The following FER variants were observed in gnomAD, a reference collection of about 807,000 sequenced individuals.
FER encodes FER tyrosine kinase.
FER carries 63 observed loss-of-function variants against 111.0 expected under a neutral mutation model. That is an observed-to-expected ratio of 0.57 (90% CI 0.46 to 0.70). The LOEUF (loss-of-function observed/expected upper bound fraction) is 0.70, where lower values mean the gene tolerates loss of function less well. Among genes scored for constraint, FER ranks in the 30% least tolerant of loss-of-function variants. The pLI, the probability that FER is intolerant of heterozygous loss-of-function variation, is 0.00. For synonymous variants in FER, 327 were observed against 313.9 expected (o/e 1.04, Z -0.44); for missense variants, 914 against 954.0 (o/e 0.96, Z 0.55).
chr5:108,946,678 A>G (rs1033980146), intron 11 of FER, among the ~76,000 whole-genome samples: 1 of 152,022 alleles, frequency 6.6e-6, no homozygotes, highest in South Asian at 2.1e-4. Context: ...TGTTTGATAG[A>G]TTAATCATTG....
chr5:108,777,011 C>G (rs980165171), intron 2 of FER, among the ~76,000 whole-genome samples: 1 of 152,140 alleles, frequency 6.6e-6, no homozygotes, highest in Non-Finnish European at 1.5e-5. Context: ...TTAAAAATCT[C>G]ATTTTTTTAA....
intron 13 of FER, among the ~76,000 whole-genome samples, chr5:109,026,506 T>C (rs1299401026): frequency 6.6e-6 from 1 of 152,126 alleles, no homozygotes; most frequent in Non-Finnish European, 1.5e-5. Flanking sequence ...TCTTGGATTA[T>C]AAAAAGGTTC....
intron 5 of FER, among the ~76,000 whole-genome samples, chr5:108,849,498 T>C (rs1762348093): frequency 1.3e-5 from 2 of 152,084 alleles, no homozygotes; most frequent in Non-Finnish European, 2.9e-5. Flanking sequence ...GTTGTTGTTG[T>C]TGTTATCTCA....
At chr5:108,877,769 A>C (rs1288070386) in intron 8 of FER, among the ~76,000 whole-genome samples, 11 of 152,148 alleles carry the variant, frequency 7.2e-5, no homozygotes, top group Admixed American at 7.2e-4. Context: ...GTCAAGTCAT[A>C]ATTTTTTTTG....
intron 13 of FER, chr5:109,014,976 T>A (rs968037801): frequency 6.6e-6 from 1 of 151,964 alleles, no homozygotes; most frequent in Non-Finnish European, 1.5e-5. Flanking sequence ...TTAATGTTGA[T>A]TTTTTTTAAA....
At chr5:109,063,511 C>G (rs1347800570) in intron 16 of FER, among the ~76,000 whole-genome samples, 1 of 152,190 alleles carries the variant, frequency 6.6e-6, no homozygotes, top group East Asian at 1.9e-4. Context: ...CTGCCTCATA[C>G]TCACTAAAAG....
chr5:109,003,500 A>C (rs539712202), intron 13 of FER, among the ~76,000 whole-genome samples: 1 of 152,146 alleles, frequency 6.6e-6, no homozygotes, highest in Non-Finnish European at 1.5e-5. Flanking sequence ...TAGCAATTGG[A>C]GATATACCTA....
chr5:108,895,926 T>A (rs1749022338), intron 9 of FER, among the ~76,000 whole-genome samples: 2 of 152,192 alleles, frequency 1.3e-5, no homozygotes, highest in Non-Finnish European at 2.9e-5. Flanking sequence ...TTTATTCTTT[T>A]AAATTTTTTT....
At chr5:108,837,524 T>C (rs1410974512) in intron 5 of FER, among the ~76,000 whole-genome samples, 4 of 152,202 alleles carry the variant, frequency 2.6e-5, no homozygotes, top group African/African-American at 7.2e-5. Context: ...ATTGCAAATA[T>C]CCATATCTAA....
chr5:108,901,090 G>A (rs1213932217), intron 10 of FER, among the ~76,000 whole-genome samples: 4 of 88,372 alleles, frequency 4.5e-5, no homozygotes, highest in South Asian at 7.8e-4. Context: ...CCCCACCCCC[G>A]CCATGTGAAA....
chr5:108,924,215 C>T (rs1561622810), intron 10 of FER, among the ~76,000 whole-genome samples: 1 of 151,772 alleles, frequency 6.6e-6, no homozygotes, highest in Non-Finnish European at 1.5e-5. Flanking sequence ...AAAAATTTAG[C>T]CAGGCACGGT....
intron 3 of FER, among the ~76,000 whole-genome samples, chr5:108,819,652 A>T (rs953944929): frequency 6.6e-6 from 1 of 152,252 alleles, no homozygotes; most frequent in Non-Finnish European, 1.5e-5. Context: ...CGTCTCTCTC[A>T]TTTAGATAAG....
In FER at chr5:109,192,924, A is replaced by T. The variant is rs1759478470; in HGVS notation, c.*5349A>T. On this transcript the variant is annotated 3_prime_UTR_variant, in exon 20 of 20. Transcript: ENST00000281092. ...AAGCTTAGTCAGGGTGCCTAAGGTA[A>T]GACACAAAAAGAAAGAGACATCCAG... 6.6e-6 allele frequency: 1 copy of T among 152,168 alleles called. No individual in the cohort carries two copies. Among genetic ancestry groups the T allele is most frequent in the Non-Finnish European group, 1.5e-5 (1 of 68,016 alleles). The allele number at this position is 152,168 out of a possible 1,614,324, so 9.4% of individuals were successfully genotyped here. A position where few individuals can be genotyped will look rare whatever the true frequency, so the allele number is the denominator to read the frequency against.
Position 108,954,926 on chromosome 5 carries a change from T to C in FER, c.1527T>C (p.Tyr509=), listed in dbSNP as rs774982041. The change falls in exon 12 of 20, where the codon TAT becomes TAC. Residue 509 remains tyrosine (Y), a synonymous_variant. Coordinates refer to ENST00000281092, the MANE Select transcript of FER (RefSeq NM_005246.4). ...AGAGGAGACATTTTATCATACAATA[T>C]GTTGATGTACGTTTCCAGTTTAGTT... The part of the protein sequence containing the change: ...DGQRRHFIIQ[Y]VDNMYRFEGT... 32 of 1,605,328 alleles carry C rather than the reference T, an allele frequency of 2.0e-5. No homozygotes were observed. The highest frequency in any genetic ancestry group is 5.0e-5 in the Admixed American group (3 of 59,602).
At chr5:108,965,958 C>T (rs1355159541) in intron 13 of FER, among the ~76,000 whole-genome samples, 1 of 152,040 alleles carries the variant, frequency 6.6e-6, no homozygotes, top group South Asian at 2.1e-4. Context: ...ATAAAAGAAC[C>T]CTACCATGGT....
At position 108,954,702 on chromosome 5, in the gene FER, GTT is replaced by G. The variant is rs66958414; in HGVS notation, c.1330-16_1330-15del. ...AATAATCAGTATTTTCTCTAATTTA[GTT>G]TTTTTTTTTTAATATTTGTTTAAGC... On this transcript the variant is annotated intron_variant, in intron 11 of 19. Transcript: ENST00000281092. The G allele has an allele frequency of 1.0e-4, 122 of 1,186,568 alleles. No homozygotes were observed. The highest frequency in any genetic ancestry group is 3.1e-4 in the Middle Eastern group (1 of 3,184). 73.5% of individuals were successfully genotyped at this position (1,186,568 alleles called of 1,614,324 possible).
intron 16 of FER, among the ~76,000 whole-genome samples, chr5:109,059,503 G>C (rs1774105642): frequency 6.6e-6 from 1 of 152,118 alleles, no homozygotes; most frequent in Non-Finnish European, 1.5e-5. Flanking sequence ...CCTCCAGCCT[G>C]GCGACAGAGT....
chr5:108,927,374 C>T (rs999157414), intron 10 of FER, among the ~76,000 whole-genome samples: 10 of 150,138 alleles, frequency 6.7e-5, no homozygotes, highest in Non-Finnish European at 1.3e-4. Context: ...CATTGTTCTG[C>T]CTCAGCCTCC....
chr5:109,044,556 G>A (rs1581775896), intron 14 of FER, 124 bp from the exon 15 acceptor site: 4 of 537,700 alleles, frequency 7.4e-6, no homozygotes, highest in East Asian at 3.0e-5. Flanking sequence ...ATAGAAATTA[G>A]TTCATCACTG....
Sources: allele counts gnomAD v4.1 joint callset (sites outside exome capture counted in the v4.1 genomes callset), GRCh38; gene constraint gnomAD v4.1.1; transcripts MANE v1.5; gene names NCBI Gene and HGNC (gene_info 2026-07-23, HGNC 2026-07-21).